MCC: variants seen among roughly 807,000 people sequenced by gnomAD.
MCC encodes colorectal mutant cancer protein.
In MCC, 90 loss-of-function variants were observed where a neutral mutation model predicts 116.2. That is an observed-to-expected ratio of 0.77 (90% CI 0.65 to 0.92). The LOEUF is 0.92. MCC is among the 40% of genes least tolerant of loss of function. MCC has a pLI of 0.00. For synonymous variants in MCC, 578 were observed against 510.5 expected (o/e 1.13, Z -1.78); for missense variants, 1,516 against 1,312.2 (o/e 1.16, Z -2.40).
chr5:113,200,601 G>T (rs1204015261), intron 3 of MCC, among the ~76,000 whole-genome samples: 1 of 152,222 alleles, frequency 6.6e-6, no homozygotes, highest in African/African-American at 2.4e-5. Context: ...GGTCTGCACA[G>T]CAGACTGAGC....
At chr5:113,432,472 G>A (rs899302237) in intron 1 of MCC, 5 of 151,756 alleles carry the variant, frequency 3.3e-5, no homozygotes, top group East Asian at 3.9e-4. Flanking sequence ...ACTCAATTTC[G>A]TGTCTATAAA....
At chr5:113,341,252 C>A (rs1033192076) in intron 2 of MCC, among the ~76,000 whole-genome samples, 7 of 151,294 alleles carry the variant, frequency 4.6e-5, no homozygotes, top group Non-Finnish European at 8.8e-5. Context: ...TTTTTTGAGG[C>A]AGGGTCTTGT....
intron 1 of MCC, among the ~76,000 whole-genome samples, chr5:113,410,581 G>A (rs1038018203): frequency 1.3e-5 from 2 of 152,134 alleles, no homozygotes; most frequent in Non-Finnish European, 2.9e-5. Flanking sequence ...AATGAATTGT[G>A]CTACATCTGC....
At chr5:113,336,965 G>T (rs1047024812) in intron 3 of MCC, among the ~76,000 whole-genome samples, 18 of 152,234 alleles carry the variant, frequency 1.2e-4, no homozygotes, top group African/African-American at 4.3e-4. Context: ...GTCTGTGCTA[G>T]TTATCATTTG....
chr5:113,062,700 C>A (rs577575118), intron 14 of MCC, among the ~76,000 whole-genome samples: 1 of 152,220 alleles, frequency 6.6e-6, no homozygotes, highest in African/African-American at 2.4e-5. Context: ...CTGTGCTTCA[C>A]TGAATGAGAC....
At chr5:113,264,969 A>C (rs1765367477) in intron 3 of MCC, among the ~76,000 whole-genome samples, 1 of 152,074 alleles carries the variant, frequency 6.6e-6, no homozygotes, top group Non-Finnish European at 1.5e-5. Flanking sequence ...TTAACTTGGG[A>C]GGCGGAAGTT....
chr5:113,277,679 G>A (rs529974752), intron 3 of MCC, among the ~76,000 whole-genome samples: 111 of 152,332 alleles, frequency 7.3e-4, no homozygotes, highest in African/African-American at 2.5e-3. Flanking sequence ...CTAGAAGACA[G>A]ACTATGGTCC....
At chr5:113,194,129 T>C (rs1419757476) in intron 3 of MCC, among the ~76,000 whole-genome samples, 1 of 152,160 alleles carries the variant, frequency 6.6e-6, no homozygotes, top group Non-Finnish European at 1.5e-5. Context: ...ATAAACATCA[T>C]CGTCTAGTCC....
At chr5:113,487,283 T>C (rs1772560972) in intron 1 of MCC, among the ~76,000 whole-genome samples, 1 of 151,470 alleles carries the variant, frequency 6.6e-6, no homozygotes, top group Non-Finnish European at 1.5e-5. Context: ...AGACATAGAC[T>C]AAAGAAACAT....
At chr5:113,270,365 T>C (rs1765567297) in intron 3 of MCC, among the ~76,000 whole-genome samples, 1 of 152,142 alleles carries the variant, frequency 6.6e-6, no homozygotes, top group Non-Finnish European at 1.5e-5. Context: ...GTACCTGTGC[T>C]GACTTCGGTG....
At chr5:113,083,040 A>T in intron 10 of MCC, 32 bp from the exon 11 acceptor site, 1 of 1,594,032 alleles carries the variant, frequency 6.3e-7, no homozygotes, top group South Asian at 1.1e-5. Context: ...CCCCTTTGGA[A>T]CATATCATTT....
chr5:113,243,386 T>C (rs1364848976), intron 3 of MCC, among the ~76,000 whole-genome samples: 1 of 152,194 alleles, frequency 6.6e-6, no homozygotes, highest in Admixed American at 6.5e-5. Context: ...ACTCCTATAC[T>C]CCAGGTCTCT....
chr5:113,277,544 G>C (rs1469472898), intron 3 of MCC, among the ~76,000 whole-genome samples: 2 of 152,154 alleles, frequency 1.3e-5, no homozygotes, highest in Non-Finnish European at 2.9e-5. Flanking sequence ...ATGCTCATGT[G>C]ATGTGAACTA....
chr5:113,397,322 T>TTC (rs919453084), intron 1 of MCC, among the ~76,000 whole-genome samples: 3 of 152,206 alleles, frequency 2.0e-5, no homozygotes, highest in Admixed American at 2.0e-4. Context: ...CATGCATTCG[T>TTC]TCTCTCTCTT....
chr5:113,137,396 G>T (rs990926027), intron 5 of MCC, among the ~76,000 whole-genome samples: 11 of 151,974 alleles, frequency 7.2e-5, no homozygotes, highest in African/African-American at 2.7e-4. Flanking sequence ...TCCATTTTAG[G>T]GTTTTTATCA....
chr5:113,263,704 A>T (rs1344788744), intron 3 of MCC, among the ~76,000 whole-genome samples: 1 of 152,228 alleles, frequency 6.6e-6, no homozygotes. Flanking sequence ...ATCCACTCGG[A>T]AAAGTAAAAG....
chr5:113,040,776 T>C (rs1751654301), intron 17 of MCC, among the ~76,000 whole-genome samples: 1 of 152,210 alleles, frequency 6.6e-6, no homozygotes, highest in Non-Finnish European at 1.5e-5. Flanking sequence ...TCCATCCACC[T>C]GGGTCTTGAT....
rs185608414 is a variant in MCC, at chr5:113,082,009, G to A, written c.1784+851C>T. Among the ~76,000 whole-genome samples the A allele has an allele frequency of 1.2e-3, 187 of 152,336 alleles. 1 individual carries two copies. Among genetic ancestry groups the A allele is most frequent in the Middle Eastern group, 0.01 (3 of 294 alleles). ...CAAGGCAGCCACACCACACTCGGAT[G>A]TGACTCAACAGTCCATTCTGCCACT... is the stretch of plus-strand genomic sequence containing the variant. On this transcript the variant is annotated intron_variant, in intron 11 of 18. Coordinates refer to ENST00000408903, the MANE Select transcript of MCC (RefSeq NM_001085377.2).
At chr5:113,411,820 G>A (rs534884967) in intron 1 of MCC, among the ~76,000 whole-genome samples, 2 of 152,146 alleles carry the variant, frequency 1.3e-5, no homozygotes, top group Admixed American at 6.5e-5. Flanking sequence ...CATTGCTTTC[G>A]GTGTTTTAGT....
Sources: gnomAD v4.1 joint callset for allele counts (sites outside exome capture counted in the v4.1 genomes callset) on GRCh38, gnomAD v4.1.1 for gene constraint, MANE v1.5 for transcripts, NCBI Gene and HGNC (gene_info 2026-07-23, HGNC 2026-07-21) for gene names.